REPS2: variants seen among roughly 807,000 people sequenced by gnomAD.
REPS2 encodes RALBP1 associated Eps domain containing 2, also known as ralBP1-associated Eps domain-containing protein 2.
REPS2 carries 23 observed loss-of-function variants against 53.6 expected under a neutral mutation model. The observed-to-expected ratio is 0.43, with a 90% CI of 0.31 to 0.61. REPS2 has a LOEUF of 0.61. REPS2 is among the 20% of genes least tolerant of loss of function. The pLI, the probability that REPS2 is intolerant of heterozygous loss-of-function variation, is 0.11. For synonymous variants in REPS2, 238 were observed against 218.6 expected, an observed-to-expected ratio of 1.09 and a Z score of -0.78; for missense variants, 446 against 534.9, an observed-to-expected ratio of 0.83 and a Z score of 1.64.
chrX:17,163,450 T>C, the REPS2 span, among the ~76,000 whole-genome samples: 2 of 111,656 alleles, frequency 1.8e-5, no homozygotes, highest in African/African-American at 6.5e-5. Flanking sequence ...CTTCCCAAAT[T>C]TGATGACAAA....
chrX:17,161,337 C>T, the REPS2 span, among the ~76,000 whole-genome samples: 17 of 111,355 alleles, frequency 1.5e-4, no homozygotes, highest in Admixed American at 1.1e-3. Flanking sequence ...TTGGATTATC[C>T]GGCAGACCCA....
chrX:17,118,445 T>G (rs894272951), intron 14 of REPS2, among the ~76,000 whole-genome samples: 1 of 111,054 alleles, frequency 9.0e-6, no homozygotes, highest in Non-Finnish European at 1.9e-5. Context: ...TTTTAAATTT[T>G]AACAGTTCAT....
chrX:17,154,622 G>A (rs1466910795), downstream of REPS2, among the ~76,000 whole-genome samples: 3 of 112,702 alleles, frequency 2.7e-5, no homozygotes, highest in Non-Finnish European at 1.9e-5. Context: ...TGGCACCGTT[G>A]TACCCTAGGG....
chrX:17,028,690 T>A (rs1420149568), intron 4 of REPS2, among the ~76,000 whole-genome samples: 5 of 112,646 alleles, frequency 4.4e-5, no homozygotes, highest in African/African-American at 1.6e-4. Flanking sequence ...CATAACAGGC[T>A]GCTCTGCTCT....
chrX:17,112,456 G>A (rs920190820), intron 14 of REPS2, among the ~76,000 whole-genome samples: 8 of 111,549 alleles, frequency 7.2e-5, no homozygotes, highest in African/African-American at 2.6e-4. Flanking sequence ...ATATTCTTCA[G>A]GATAGACCAT....
intron 13 of REPS2, among the ~76,000 whole-genome samples, chrX:17,093,081 A>G (rs1333982651): frequency 1.0e-5 from 1 of 100,317 alleles, no homozygotes; most frequent in East Asian, 2.9e-4. Context: ...ATCTCCCACC[A>G]TTAAAGGAAA....
intron 12 of REPS2, among the ~76,000 whole-genome samples, chrX:17,075,655 T>A (rs947600205): frequency 8.9e-6 from 1 of 112,521 alleles, no homozygotes; most frequent in Non-Finnish European, 1.9e-5. Context: ...GGTTATACAA[T>A]CTCACTTATT....
intron 1 of REPS2, chrX:16,978,506 C>CT (rs765672478): frequency 0.079 from 37,162 of 469,457 alleles, no homozygotes; most frequent in Non-Finnish European, 0.088. Context: ...TCCTTTTTTT[C>CT]TTTTTTTTTT....
At position 17,098,884 on chromosome X, in the gene REPS2, C is replaced by T. The variant is rs569488033; in HGVS notation, c.1517-4834C>T. 4.0e-4 allele frequency among the ~76,000 whole-genome samples: 45 copies of T among 111,734 alleles called. No homozygotes were observed. The South Asian group carries it at 0.016, about 40-fold the overall frequency. On this transcript the variant is annotated intron_variant, in intron 13 of 17. Coordinates refer to ENST00000357277, the MANE Select transcript of REPS2 (RefSeq NM_004726.3). ...TCTTTCCCTTCCCCAACACCTCAGC[C>T]AGTGGCTAGGATGAACAAGCTGATA... is the stretch of plus-strand genomic sequence containing the variant.
intron 1 of REPS2, among the ~76,000 whole-genome samples, chrX:17,000,158 A>C (rs1288534303): frequency 9.0e-6 from 1 of 111,657 alleles, no homozygotes; most frequent in African/African-American, 3.3e-5. Context: ...GGTTGCCATG[A>C]AAGTTTATAG....
intron 9 of REPS2, among the ~76,000 whole-genome samples, chrX:17,066,872 C>CA (rs897067052): frequency 1.8e-5 from 2 of 111,140 alleles, no homozygotes; most frequent in African/African-American, 3.3e-5. Flanking sequence ...GACTCCATCT[C>CA]AAAAAAAAGA....
chrX:17,023,683 T>C (rs564719843), intron 3 of REPS2, among the ~76,000 whole-genome samples: 1 of 111,265 alleles, frequency 9.0e-6, no homozygotes, highest in South Asian at 3.8e-4. Context: ...GGAAGAGGTA[T>C]AGGAATTTTC....
intron 5 of REPS2, among the ~76,000 whole-genome samples, chrX:17,036,125 G>C (rs1417845505): frequency 8.9e-6 from 1 of 111,936 alleles, no homozygotes; most frequent in Admixed American, 9.5e-5. Context: ...TTGAATTATT[G>C]GGTGAAAATG....
At chrX:17,016,127 C>G (rs1025664181) in intron 2 of REPS2, among the ~76,000 whole-genome samples, 2 of 112,122 alleles carry the variant, frequency 1.8e-5, no homozygotes, top group Non-Finnish European at 3.8e-5. Context: ...GATGGTGTCT[C>G]TCTGTGGTTT....
chrX:17,046,569 C>G (rs965790198), intron 5 of REPS2, among the ~76,000 whole-genome samples: 2 of 111,978 alleles, frequency 1.8e-5, no homozygotes, highest in Non-Finnish European at 3.8e-5. Flanking sequence ...AGGGATAGAA[C>G]AAAGGCCCAC....
At chrX:16,970,102 T>C (rs2060866498) in intron 1 of REPS2, among the ~76,000 whole-genome samples, 1 of 111,947 alleles carries the variant, frequency 8.9e-6, no homozygotes. Flanking sequence ...TTCATCAGAT[T>C]GGATTTAATG....
chrX:16,988,889 T>C (rs891577029), intron 1 of REPS2, among the ~76,000 whole-genome samples: 8 of 111,963 alleles, frequency 7.1e-5, no homozygotes, highest in African/African-American at 2.3e-4. Flanking sequence ...CTCCCCCAAA[T>C]TGATATACAG....
chrX:16,995,048 T>C (rs1242354664), intron 1 of REPS2, among the ~76,000 whole-genome samples: 1 of 112,429 alleles, frequency 8.9e-6, no homozygotes, highest in Admixed American at 9.4e-5. Context: ...GTTAGCTCAG[T>C]TGGTTACAGC....
the REPS2 span, among the ~76,000 whole-genome samples, chrX:17,183,664 A>G: frequency 8.9e-6 from 1 of 111,803 alleles, no homozygotes; most frequent in Non-Finnish European, 1.9e-5. Context: ...TCCTGCTTCC[A>G]CTCTTGTAAT....
Sources: allele counts gnomAD v4.1 joint callset (sites outside exome capture counted in the v4.1 genomes callset), GRCh38; gene constraint gnomAD v4.1.1; transcripts MANE v1.5; gene names NCBI Gene and HGNC (gene_info 2026-07-23, HGNC 2026-07-21).